The following QSOX1 variants were observed in gnomAD, a reference collection of about 807,000 sequenced individuals.
QSOX1 encodes the protein quiescin sulfhydryl oxidase 1.
Under a neutral mutation model 76.1 loss-of-function variants are expected in QSOX1, and 40 were observed. The ratio of observed to expected loss-of-function variants is 0.53; its 90% CI spans 0.41 to 0.68. The LOEUF (loss-of-function observed/expected upper bound fraction) is 0.68. Among genes scored for constraint, QSOX1 ranks in the 30% least tolerant of loss-of-function variants. The pLI is 0.00. For missense variants in QSOX1, 931 were observed against 974.3 expected, an observed-to-expected ratio of 0.96 and a Z score of 0.59; for synonymous variants, 392 against 413.1, an observed-to-expected ratio of 0.95 and a Z score of 0.62.
rs1663556148 is a variant in QSOX1 at position 180,198,277 on chromosome 1, GC to G, written c.*1242del. 4.4e-6 allele frequency: 2 copies of G among 456,576 alleles called. No individual in the cohort carries two copies. The highest frequency in any genetic ancestry group is 8.8e-6 in the Non-Finnish European group (2 of 226,972). 28.3% of individuals were successfully genotyped at this position (456,576 alleles called of 1,614,324 possible). ...GCCCCAATCCTCCCTGAGAGCTCCT[GC>G]CTCAGTGCCCTGGGCTGGTGAGGGA... is the stretch of plus-strand genomic sequence containing the variant. On this transcript the variant is annotated 3_prime_UTR_variant, in exon 12 of 12. Transcript: ENST00000367602.
chr1:180,170,620 G>GACT (rs1275584823), intron 2 of QSOX1, among the ~76,000 whole-genome samples: 1 of 152,198 alleles, frequency 6.6e-6, no homozygotes, highest in African/African-American at 2.4e-5. Flanking sequence ...GCTGGGTGCT[G>GACT]ACTGCTCCTG....
Position 180,183,939 on chromosome 1 carries a change from A to G in QSOX1, c.776A>G (p.Tyr259Cys), listed in dbSNP as rs760547195. ...AGGCTCATGGAATCCAGGTCCTTCT[A>G]TACCGCTTACCTGCAGAGACTCTCT... ...VPVLMESRSF[Y>C]TAYLQRLSGL... Residue 259 changes from tyrosine to cysteine, a missense_variant, in exon 7 of 12, where the codon TAT (tyrosine) becomes TGT (cysteine). Transcript: ENST00000367602. 9 of 1,613,574 alleles carry G rather than the reference A, an allele frequency of 5.6e-6. No homozygotes were observed. The highest frequency in any genetic ancestry group is 3.3e-5 in the Admixed American group (2 of 60,004).
At chr1:180,172,088 A>C (rs1224490898) in intron 2 of QSOX1, among the ~76,000 whole-genome samples, 1 of 152,164 alleles carries the variant, frequency 6.6e-6, no homozygotes, top group Non-Finnish European at 1.5e-5. Context: ...GAACATTGGC[A>C]GCATGGGGAC....
At chr1:180,175,412 A>C in intron 3 of QSOX1, 46 bp downstream of exon 3, 4 of 1,581,844 alleles carry the variant, frequency 2.5e-6, no homozygotes, top group Non-Finnish European at 3.5e-6. Flanking sequence ...TCCTCCCCCA[A>C]CCTCCCTCTT....
At chr1:180,174,707 T>C (rs1375000590) in intron 2 of QSOX1, among the ~76,000 whole-genome samples, 1 of 152,198 alleles carries the variant, frequency 6.6e-6, no homozygotes, top group East Asian at 1.9e-4. Flanking sequence ...CTAGGTACTG[T>C]GCTGCATAGA....
intron 4 of QSOX1, among the ~76,000 whole-genome samples, chr1:180,177,579 T>C (rs952378372): frequency 3.3e-5 from 5 of 152,164 alleles, no homozygotes; most frequent in Non-Finnish European, 5.9e-5. Flanking sequence ...TAAAGAACTT[T>C]AGGAAGGAGG....
intron 1 of QSOX1, among the ~76,000 whole-genome samples, chr1:180,159,860 A>T (rs1044383045): frequency 2.6e-5 from 4 of 152,214 alleles, no homozygotes; most frequent in African/African-American, 7.2e-5. Context: ...AATATTATTT[A>T]ACAGTTCTCC....
intron 1 of QSOX1, among the ~76,000 whole-genome samples, chr1:180,158,561 C>T (rs140246706): frequency 7.9e-5 from 12 of 152,284 alleles, no homozygotes; most frequent in African/African-American, 2.6e-4. Flanking sequence ...CATCCAGTGA[C>T]GTCACTGCCC....
At chr1:180,155,399 C>G (rs542154619) in intron 1 of QSOX1, among the ~76,000 whole-genome samples, 1 of 152,310 alleles carries the variant, frequency 6.6e-6, no homozygotes, top group Non-Finnish European at 1.5e-5. Flanking sequence ...TTCTTTCCCT[C>G]TCCGCGGCCT....
rs1181799147 is a variant in QSOX1, at chr1:180,198,678, T to C, written c.*1641T>C. On this transcript the variant is annotated 3_prime_UTR_variant, in exon 12 of 12. Transcript: ENST00000367602. ...GCAGCGCCTTGCTGGGCTCCTGGGT[T>C]GGACTCCCTCTCTGTGCCCCTGCTC... is the stretch of plus-strand genomic sequence containing the variant. 6.0e-6 allele frequency: 2 copies of C among 334,366 alleles called. No individual in the cohort carries two copies. Among genetic ancestry groups the C allele is most frequent in the African/African-American group, 2.2e-5 (1 of 46,412 alleles). The allele number at this position is 334,366 out of a possible 1,614,324, so 20.7% of individuals were successfully genotyped here. A position where few individuals can be genotyped will look rare whatever the true frequency, so the allele number is the denominator to read the frequency against.
At chr1:180,171,377 T>G (rs1001997810) in intron 2 of QSOX1, among the ~76,000 whole-genome samples, 2 of 146,732 alleles carry the variant, frequency 1.4e-5, no homozygotes, top group Non-Finnish European at 3.0e-5. Flanking sequence ...GGGGACTGGT[T>G]GCTGGGTGAG....
At position 180,203,742 on chromosome 1, in the gene QSOX1, A is replaced by C. The variant is rs892646242; in HGVS notation, c.*6705A>C. ...TAACAAGTGGCTAAGTGTCAGTTACAGCCTCTGAGCTTTAGTCAATTGTAG... is the reference window on the plus strand; with the variant it reads ...TAACAAGTGGCTAAGTGTCAGTTACCGCCTCTGAGCTTTAGTCAATTGTAG... On this transcript the variant is annotated 3_prime_UTR_variant, in exon 12 of 12. Transcript: ENST00000367602. 3 of 152,210 alleles carry C rather than the reference A, an allele frequency of 2.0e-5. No homozygotes were observed. The highest frequency in any genetic ancestry group is 6.5e-5 in the Admixed American group (1 of 15,290). The allele number at this position is 152,210 out of a possible 1,614,324, so 9.4% of individuals were successfully genotyped here.
intron 5 of QSOX1, among the ~76,000 whole-genome samples, chr1:180,180,223 T>C (rs1572047805): frequency 6.6e-6 from 1 of 152,362 alleles, no homozygotes; most frequent in East Asian, 1.9e-4. Flanking sequence ...TATTTTGATT[T>C]TTGTGAGACG....
intron 1 of QSOX1, among the ~76,000 whole-genome samples, chr1:180,161,803 C>G (rs1432455724): frequency 6.6e-6 from 1 of 152,212 alleles, no homozygotes; most frequent in African/African-American, 2.4e-5. Context: ...TGTGCTTGAT[C>G]TTGGTTATCA....
chr1:180,181,278 G>A (rs1663028213), intron 5 of QSOX1, among the ~76,000 whole-genome samples: 1 of 152,216 alleles, frequency 6.6e-6, no homozygotes, highest in South Asian at 2.1e-4. Context: ...GCTCCATGGT[G>A]AAGAGTGAGA....
At position 180,165,891 on chromosome 1, in the gene QSOX1, A is replaced by G. The variant is rs565788912; in HGVS notation, c.266-600A>G. ...TGGCCCGGGGCCTGATGCAGGGGCC[A>G]GACTCTGGCCTCAAGGCTTCTTTCC... On this transcript the variant is annotated intron_variant, in intron 1 of 11. Transcript: ENST00000367602. Among the ~76,000 whole-genome samples the G allele has an allele frequency of 3.3e-5, 5 of 151,416 alleles. No homozygotes were observed. The East Asian group carries it at 7.7e-4, about 23-fold the overall frequency.
At chr1:180,163,204 CT>C (rs1414789142) in intron 1 of QSOX1, among the ~76,000 whole-genome samples, 1 of 151,754 alleles carries the variant, frequency 6.6e-6, no homozygotes, top group Non-Finnish European at 1.5e-5. Flanking sequence ...CTCTTCACAA[CT>C]TCCTTGTATC....
At position 180,197,983 on chromosome 1, in the gene QSOX1, G is replaced by C. The variant is rs1477577450; in HGVS notation, c.*946G>C. 3 of 357,874 alleles carry C rather than the reference G, an allele frequency of 8.4e-6. No homozygotes were observed. Among genetic ancestry groups the C allele is most frequent in the South Asian group, 6.1e-5 (3 of 49,040 alleles). 22.2% of individuals were successfully genotyped at this position (357,874 alleles called of 1,614,324 possible). On this transcript the variant is annotated 3_prime_UTR_variant, in exon 12 of 12. Coordinates refer to ENST00000367602, the MANE Select transcript of QSOX1 (RefSeq NM_002826.5). The stretch of plus-strand genomic sequence containing the variant: ...TGCCTTACACATGCTTGATTCCCAC[G>C]CTACCCCCTGCCTTGGGAGGTGTGT...
At position 180,197,421 on chromosome 1, in the gene QSOX1, A is replaced by AG; in HGVS notation, c.*387dup. On this transcript the variant is annotated 3_prime_UTR_variant, in exon 12 of 12. Transcript: ENST00000367602. ...CAACTGGGGCAAGTGAAGCCAGAGG[A>AG]GGGTCCCCCAGCTGGGTGGGCTGGA... The AG allele has an allele frequency of 6.3e-7, 1 of 1,599,322 alleles. No homozygotes were observed. Among genetic ancestry groups the AG allele is most frequent in the East Asian group, 2.2e-5 (1 of 44,778 alleles).
Sources: gnomAD v4.1 joint callset for allele counts (sites outside exome capture counted in the v4.1 genomes callset) on GRCh38, gnomAD v4.1.1 for gene constraint, MANE v1.5 for transcripts, NCBI Gene and HGNC (gene_info 2026-07-23, HGNC 2026-07-21) for gene names.